The following ABLIM2 variants were observed in gnomAD, a reference collection of about 807,000 sequenced individuals.
ABLIM2 encodes the protein actin-binding LIM protein 2.
ABLIM2 carries 53 observed loss-of-function variants against 97.7 expected under a neutral mutation model. The ratio of observed to expected loss-of-function variants is 0.54; its 90% CI spans 0.44 to 0.68. The LOEUF (loss-of-function observed/expected upper bound fraction) is 0.68, where lower values mean the gene tolerates loss of function less well. Ranked by LOEUF, ABLIM2 falls within the 30% of genes least tolerant of loss-of-function variation. The probability of loss-of-function intolerance (pLI) is 0.00; values close to 1 mark genes in which losing one functional copy is unlikely to be tolerated. For missense variants in ABLIM2, 835 were observed against 867.2 expected, an observed-to-expected ratio of 0.96 and a Z score of 0.47; for synonymous variants, 361 against 345.8, an observed-to-expected ratio of 1.04 and a Z score of -0.49.
chr4:8,113,842 A>G lies in ABLIM2; in HGVS notation c.11-7205T>C, dbSNP rs908453732. Among the ~76,000 whole-genome samples the G allele has an allele frequency of 6.6e-6, 1 of 152,216 alleles. No homozygotes were observed. The highest frequency in any genetic ancestry group is 1.5e-5 in the Non-Finnish European group (1 of 68,026). On this transcript the variant is annotated intron_variant, in intron 1 of 20. Coordinates refer to ENST00000447017, the MANE Select transcript of ABLIM2 (RefSeq NM_001130083.2). This position sits in a 1 kb window ranked among gnomAD's most constrained non-coding sequence, Gnocchi z 4.5. ...TCACCCAGAGCGGGTCACAGGACAC[A>G]CAGTTCCAGCTTCCCTTTCACACCT...
At position 8,088,194 on chromosome 4, in the gene ABLIM2, G is replaced by A. The variant is rs373865023; in HGVS notation, c.429C>T (p.Ser143=). ...TTCGGAGGCCCTGGGACAGGTGCGC[G>A]CTGCTGCCCACCGATACGGGCAGGG... ...KCSLPVSVGS[S]AHLSQGLRSC... Residue 143 remains serine, a synonymous_variant, in exon 4 of 21, where the codon AGC becomes AGT. Coordinates refer to ENST00000447017, the MANE Select transcript of ABLIM2 (RefSeq NM_001130083.2). The A allele has an allele frequency of 2.5e-4, 407 of 1,610,044 alleles. No individual in the cohort carries two copies. The highest frequency in any genetic ancestry group is 3.3e-4 in the Non-Finnish European group (387 of 1,179,228).
At chr4:8,062,778 G>C (rs1804237769) in intron 6 of ABLIM2, among the ~76,000 whole-genome samples, 1 of 152,114 alleles carries the variant, frequency 6.6e-6, no homozygotes, top group Non-Finnish European at 1.5e-5. Flanking sequence ...CAGAGATTGA[G>C]ACAGCTCTGT....
rs762376690 is a variant in ABLIM2, at chr4:8,075,180, C to T, written c.675+2448G>A. ...AAACATCAAGCTATGTGAAAGAAGC[C>T]GGTCATGAAAGACTACATATTTCAT... On this transcript the variant is annotated intron_variant, in intron 6 of 20. Transcript: ENST00000447017. The surrounding 1 kb of genome is among the most constrained non-coding windows in gnomAD (Gnocchi z 4.4). Among the ~76,000 whole-genome samples, 13 of 152,116 alleles carry T rather than the reference C, an allele frequency of 8.5e-5. No homozygotes were observed. Among genetic ancestry groups the T allele is most frequent in the Admixed American group, 2.6e-4 (4 of 15,276 alleles).
Position 8,032,500 on chromosome 4 carries a change from T to C in ABLIM2, c.1048-2724A>G. ...TAAAAATAACCAGCAGCCAGGAGGG[T>C]GCCCCATGTCACAAGGGCCGTGGCC... On this transcript the variant is annotated intron_variant, in intron 10 of 20. Transcript: ENST00000447017. This position sits in a 1 kb window ranked among gnomAD's most constrained non-coding sequence, Gnocchi z 4.3. The C allele has an allele frequency of 1.1e-6, 1 of 889,396 alleles. No individual in the cohort carries two copies. The highest frequency in any genetic ancestry group is 1.5e-5 in the South Asian group (1 of 67,600). 55.1% of individuals were successfully genotyped at this position (889,396 alleles called of 1,614,324 possible). A position where few individuals can be genotyped will look rare whatever the true frequency, so the allele number is the denominator to read the frequency against.
In ABLIM2 at chr4:8,002,784, G is replaced by C. The variant is rs892078822; in HGVS notation, c.1618+5275C>G. Among the ~76,000 whole-genome samples the C allele has an allele frequency of 2.6e-5, 4 of 152,136 alleles. No homozygotes were observed. Among genetic ancestry groups the C allele is most frequent in the Non-Finnish European group, 4.4e-5 (3 of 68,032 alleles). ...TGTGACCTGACGCATGGCCCTCACT[G>C]TTCTTCCAACCCACGGCCCGGCCTC... On this transcript the variant is annotated intron_variant, in intron 16 of 20. Transcript: ENST00000447017. This position sits in a 1 kb window ranked among gnomAD's most constrained non-coding sequence, Gnocchi z 6.1.
intron 3 of ABLIM2, among the ~76,000 whole-genome samples, chr4:8,089,478 T>G (rs1363164844): frequency 2.0e-5 from 3 of 152,112 alleles, no homozygotes; most frequent in Non-Finnish European, 4.4e-5. Flanking sequence ...CTCACACTTG[T>G]AATCCCAGCA....
chr4:8,129,030 C>G (rs1461638742), intron 1 of ABLIM2, among the ~76,000 whole-genome samples: 5 of 151,988 alleles, frequency 3.3e-5, no homozygotes, highest in Non-Finnish European at 7.4e-5. Flanking sequence ...CTGGCTGCCC[C>G]CAGCTTTCCC....
chr4:8,140,530 T>C lies in ABLIM2; in HGVS notation c.10+18150A>G, dbSNP rs562656660. Among the ~76,000 whole-genome samples, 4 of 152,246 alleles carry C rather than the reference T, an allele frequency of 2.6e-5. No homozygotes were observed. In the East Asian group the frequency reaches 5.8e-4, roughly 22 times the overall value. Reference sequence around the variant, plus strand: ...GTGACACGGGGGCCTTGCCTGCATGTGGGAGCCACACGTGGCCTCTCTTTA... The same window carrying C: ...GTGACACGGGGGCCTTGCCTGCATGCGGGAGCCACACGTGGCCTCTCTTTA... On this transcript the variant is annotated intron_variant, in intron 1 of 20. Transcript: ENST00000447017. The surrounding 1 kb of genome is among the most constrained non-coding windows in gnomAD (Gnocchi z 5.9).
chr4:7,982,415 A>T (rs1739384562), intron 20 of ABLIM2, among the ~76,000 whole-genome samples: 1 of 152,220 alleles, frequency 6.6e-6, no homozygotes, highest in African/African-American at 2.4e-5. Flanking sequence ...CAGGAGATGA[A>T]ACCCCCGGGC....
At chr4:8,027,722 C>T (rs780676040) in intron 12 of ABLIM2, 37 bp downstream of exon 12, 1 of 1,484,678 alleles carries the variant, frequency 6.7e-7, no homozygotes, top group Non-Finnish European at 9.0e-7. Flanking sequence ...CGTGGACACC[C>T]ATGAGCACCC....
rs763538979 is a variant in ABLIM2 at position 8,003,945 on chromosome 4, C to T, written c.1618+4114G>A. Among the ~76,000 whole-genome samples, 9 of 152,098 alleles carry T rather than the reference C, an allele frequency of 5.9e-5. No homozygotes were observed. Among genetic ancestry groups the T allele is most frequent in the Non-Finnish European group, 7.4e-5 (5 of 68,024 alleles). The stretch of plus-strand genomic sequence containing the variant: ...TAAGCCTGAGGCCAGGTGCCCTGCC[C>T]GTCCCACCAGATATCCTCACGAGAT... On this transcript the variant is annotated intron_variant, in intron 16 of 20. Coordinates refer to ENST00000447017, the MANE Select transcript of ABLIM2 (RefSeq NM_001130083.2). This position sits in a 1 kb window ranked among gnomAD's most constrained non-coding sequence, Gnocchi z 4.2.
intron 1 of ABLIM2, among the ~76,000 whole-genome samples, chr4:8,152,808 G>A (rs955754435): frequency 3.9e-5 from 6 of 152,182 alleles, no homozygotes; most frequent in African/African-American, 1.4e-4. Context: ...GGCAGAGACT[G>A]GTCAGCTCAT....
At position 7,999,399 on chromosome 4, in the gene ABLIM2, T is replaced by C. The variant is rs950001926; in HGVS notation, c.1619-6472A>G. Among the ~76,000 whole-genome samples the C allele has an allele frequency of 6.6e-6, 1 of 152,138 alleles. No homozygotes were observed. The highest frequency in any genetic ancestry group is 6.6e-5 in the Admixed American group (1 of 15,264). ...AAAAGTCCCTTTACATATTCAGAGA[T>C]TTCACTTGACTCTCACCAGCCTACA... On this transcript the variant is annotated intron_variant, in intron 16 of 20. Coordinates refer to ENST00000447017, the MANE Select transcript of ABLIM2 (RefSeq NM_001130083.2). The surrounding 1 kb of genome is among the most constrained non-coding windows in gnomAD (Gnocchi z 4.4).
At chr4:8,038,672 T>C (rs1056470816) in intron 9 of ABLIM2, among the ~76,000 whole-genome samples, 1 of 152,176 alleles carries the variant, frequency 6.6e-6, no homozygotes, top group Non-Finnish European at 1.5e-5. Flanking sequence ...ATTTGTGATA[T>C]GCATGAAGAG....
At chr4:8,020,437 C>T (rs1772788977) in intron 12 of ABLIM2, 134 bp from the exon 13 acceptor site, 2 of 812,196 alleles carry the variant, frequency 2.5e-6, no homozygotes, top group South Asian at 2.9e-5. Flanking sequence ...ATCCCCTGCC[C>T]AGGGGAAGGA....
At chr4:7,978,608 A>G (rs1279215555) in intron 20 of ABLIM2, among the ~76,000 whole-genome samples, 2 of 152,182 alleles carry the variant, frequency 1.3e-5, no homozygotes, top group Admixed American at 6.5e-5. Context: ...CTCCAGCACC[A>G]TTAGACAGCC....
rs567102664 is a variant in ABLIM2 at position 8,134,458 on chromosome 4, G to A, written c.10+24222C>T. Among the ~76,000 whole-genome samples the A allele has an allele frequency of 3.1e-4, 47 of 152,222 alleles. 1 individual carries two copies. The South Asian group carries it at 9.5e-3, about 31-fold the overall frequency. On this transcript the variant is annotated intron_variant, in intron 1 of 20. Coordinates refer to ENST00000447017, the MANE Select transcript of ABLIM2 (RefSeq NM_001130083.2). ...CCCACAGCCCCTCCACACACAGCTC[G>A]GCCCAGCCCCCGTCGGCAAGAAGAA...
intron 9 of ABLIM2, among the ~76,000 whole-genome samples, chr4:8,040,477 G>C (rs1031706566): frequency 1.3e-5 from 2 of 152,154 alleles, no homozygotes; most frequent in African/African-American, 2.4e-5. Flanking sequence ...CAGGCATGGT[G>C]GTGGGCGCCT....
intron 1 of ABLIM2, among the ~76,000 whole-genome samples, chr4:8,115,004 T>C (rs1346959593): frequency 6.6e-6 from 1 of 152,028 alleles, no homozygotes; most frequent in African/African-American, 2.4e-5. Context: ...TCCCCAGGAG[T>C]GCAGTCTGGC....
Sources: allele counts gnomAD v4.1 joint callset (sites outside exome capture counted in the v4.1 genomes callset), GRCh38; gene constraint gnomAD v4.1.1; non-coding constraint Gnocchi (gnomAD v3.1); transcripts MANE v1.5; gene names NCBI Gene and HGNC (gene_info 2026-07-23, HGNC 2026-07-21).